RBFOX3: variants seen among roughly 807,000 people sequenced by gnomAD.
The protein encoded by RBFOX3 is RNA binding fox-1 homolog 3.
RBFOX3 carries 17 observed loss-of-function variants against 48.7 expected under a neutral mutation model. That is an observed-to-expected ratio of 0.35 (90% confidence interval 0.24 to 0.52). The LOEUF (loss-of-function observed/expected upper bound fraction) is 0.52. Ranked by LOEUF, RBFOX3 falls within the 20% of genes least tolerant of loss-of-function variation. The pLI, the probability that RBFOX3 is intolerant of heterozygous loss-of-function variation, is 0.94. For missense variants in RBFOX3, 382 were observed against 497.5 expected, an observed-to-expected ratio of 0.77 and a Z score of 2.21; for synonymous variants, 212 against 209.5, an observed-to-expected ratio of 1.01 and a Z score of -0.10.
intron 1 of RBFOX3, among the ~76,000 whole-genome samples, chr17:79,554,885 C>A (rs977690656): frequency 6.6e-5 from 10 of 152,156 alleles, no homozygotes; most frequent in Admixed American, 2.6e-4. Flanking sequence ...ATAGAAGACC[C>A]GGGCTTAGAG....
At chr17:79,538,291 C>G (rs2089172201) in intron 1 of RBFOX3, among the ~76,000 whole-genome samples, 1 of 152,218 alleles carries the variant, frequency 6.6e-6, no homozygotes, top group South Asian at 2.1e-4. Context: ...AGGAACTTAA[C>G]TAAGCCAGTG....
intron 4 of RBFOX3, among the ~76,000 whole-genome samples, chr17:79,125,421 C>A (rs62064682): frequency 0.031 from 4,721 of 152,342 alleles, 118 homozygotes; most frequent in African/African-American, 0.059. Context: ...GAGCTGAGGA[C>A]CCCCAGAGGT....
intron 4 of RBFOX3, among the ~76,000 whole-genome samples, chr17:79,142,664 G>A (rs2144306008): frequency 6.6e-6 from 1 of 152,324 alleles, no homozygotes; most frequent in Admixed American, 6.5e-5. Flanking sequence ...TGGCTGGCCA[G>A]CTGGGGGGTG....
intron 4 of RBFOX3, among the ~76,000 whole-genome samples, chr17:79,178,441 G>T (rs567444218): frequency 6.6e-6 from 1 of 152,172 alleles, no homozygotes; most frequent in Non-Finnish European, 1.5e-5. Flanking sequence ...CTGAATCTTC[G>T]TTGTTCAGGA....
chr17:79,382,810 G>A (rs538643710), intron 2 of RBFOX3, among the ~76,000 whole-genome samples: 30 of 152,294 alleles, frequency 2.0e-4, no homozygotes, highest in African/African-American at 5.1e-4. Context: ...CCATCCTGGC[G>A]TCCATGCTTT....
chr17:79,197,388 C>CTTTTTTTTTTTTT (rs72118967), intron 4 of RBFOX3, among the ~76,000 whole-genome samples: 1 of 112,806 alleles, frequency 8.9e-6, no homozygotes. Context: ...TTCTTTCTTT[C>CTTTTTTTTTTTTT]TTTTTTTTTT....
intron 4 of RBFOX3, among the ~76,000 whole-genome samples, chr17:79,194,317 C>G (rs1275335162): frequency 6.6e-6 from 1 of 152,080 alleles, no homozygotes; most frequent in African/African-American, 2.4e-5. Flanking sequence ...TACAAACTGC[C>G]TCCTGGAAGC....
chr17:79,157,445 C>T (rs959232703), intron 4 of RBFOX3, among the ~76,000 whole-genome samples: 1 of 152,218 alleles, frequency 6.6e-6, no homozygotes. Context: ...GGGAACCTGC[C>T]AAGAACACAG....
intron 2 of RBFOX3, among the ~76,000 whole-genome samples, chr17:79,310,056 G>A (rs4790004): frequency 0.83 from 126,165 of 152,144 alleles, 54,386 homozygotes; most frequent in Non-Finnish European, 0.94. Flanking sequence ...TCTCCATACC[G>A]GAGCAGGGCC....
chr17:79,642,397 G>A, the RBFOX3 span, among the ~76,000 whole-genome samples: 1 of 152,020 alleles, frequency 6.6e-6, no homozygotes, highest in African/African-American at 2.4e-5. Flanking sequence ...GAAGTGATAG[G>A]CATGTTAATT....
chr17:79,504,904 G>A (rs1319907032), intron 1 of RBFOX3, among the ~76,000 whole-genome samples: 2 of 152,204 alleles, frequency 1.3e-5, no homozygotes, highest in East Asian at 3.9e-4. Flanking sequence ...GGGATGAGAT[G>A]GTGAGATGAG....
At chr17:79,127,224 C>T (rs953543447) in intron 4 of RBFOX3, among the ~76,000 whole-genome samples, 1 of 152,244 alleles carries the variant, frequency 6.6e-6, no homozygotes, top group Non-Finnish European at 1.5e-5. Context: ...CTGGGAGCAG[C>T]TTCACTTCTT....
chr17:79,135,323 A>G (rs2039937853), intron 4 of RBFOX3, among the ~76,000 whole-genome samples: 2 of 152,118 alleles, frequency 1.3e-5, no homozygotes, highest in Admixed American at 1.3e-4. Context: ...CTGGGGAAGG[A>G]GCCAGGCCAC....
intron 3 of RBFOX3, among the ~76,000 whole-genome samples, chr17:79,267,752 C>T (rs2066959247): frequency 6.6e-6 from 1 of 152,168 alleles, no homozygotes; most frequent in Admixed American, 6.5e-5. Context: ...GGGACCTTGG[C>T]TGACACCATT....
At chr17:79,533,954 C>A (rs1302447162) in intron 1 of RBFOX3, among the ~76,000 whole-genome samples, 1 of 152,212 alleles carries the variant, frequency 6.6e-6, no homozygotes, top group Non-Finnish European at 1.5e-5. Flanking sequence ...TAAGTGGGAT[C>A]ATACTGTACA....
At chr17:79,360,370 G>A (rs76610002) in intron 2 of RBFOX3, among the ~76,000 whole-genome samples, 2,097 of 152,270 alleles carry the variant, frequency 0.014, 43 homozygotes, top group African/African-American at 0.048. Context: ...AGCTGGGCAC[G>A]CTCATCAGAC....
intron 2 of RBFOX3, among the ~76,000 whole-genome samples, chr17:79,337,153 G>A (rs2081322059): frequency 2.0e-5 from 3 of 151,968 alleles, no homozygotes; most frequent in African/African-American, 4.8e-5. Context: ...TATTTCGATA[G>A]TCCTGACTCT....
chr17:79,326,197 G>A (rs1414480092), intron 2 of RBFOX3, among the ~76,000 whole-genome samples: 3 of 152,146 alleles, frequency 2.0e-5, no homozygotes, highest in Non-Finnish European at 4.4e-5. Flanking sequence ...ATGGTGGTGG[G>A]CCCCTCCACC....
Position 79,252,756 on chromosome 17 carries a change from C to T in RBFOX3, c.-73-16951G>A, listed in dbSNP as rs1286545294. Among the ~76,000 whole-genome samples the T allele has an allele frequency of 6.6e-6, 1 of 152,180 alleles. No homozygotes were observed. The highest frequency in any genetic ancestry group is 2.4e-5 in the African/African-American group (1 of 41,436). ...TGTTGACCACTCCCAGCCAACTGCC[C>T]CTCTCAATGCCCCTCTCCTTTCCCT... is the stretch of plus-strand genomic sequence containing the variant. On this transcript the variant is annotated intron_variant, in intron 3 of 14. Coordinates refer to ENST00000693108, the MANE Select transcript of RBFOX3 (RefSeq NM_001350451.2). The surrounding 1 kb of genome is among the most constrained non-coding windows in gnomAD (Gnocchi z 4.0).
Sources: gnomAD v4.1 joint callset for allele counts (sites outside exome capture counted in the v4.1 genomes callset) on GRCh38, gnomAD v4.1.1 for gene constraint, Gnocchi (gnomAD v3.1) non-coding constraint, MANE v1.5 for transcripts, NCBI Gene and HGNC (gene_info 2026-07-23, HGNC 2026-07-21) for gene names.